IQGAP2: variants seen among roughly 807,000 people sequenced by gnomAD.
The protein encoded by IQGAP2 is ras GTPase-activating-like protein IQGAP2.
Under a neutral mutation model 201.3 loss-of-function variants are expected in IQGAP2, and 173 were observed. The ratio of observed to expected loss-of-function variants is 0.86; its 90% CI spans 0.76 to 0.98. The LOEUF is 0.98. Among genes scored for constraint, IQGAP2 ranks in the 50% least tolerant of loss-of-function variants. The pLI is 0.00. For synonymous variants in IQGAP2, 675 were observed against 673.9 expected (o/e 1.00, Z -0.03); for missense variants, 1,687 against 1,864.8 (o/e 0.90, Z 1.76).
At chr5:76,543,322 C>A (rs897992394) in intron 2 of IQGAP2, among the ~76,000 whole-genome samples, 2 of 152,196 alleles carry the variant, frequency 1.3e-5, no homozygotes, top group African/African-American at 4.8e-5. Context: ...TGGTTTTCAG[C>A]CCGTCTCTCT....
At chr5:76,429,639 T>C (rs1389825559) in intron 1 of IQGAP2, among the ~76,000 whole-genome samples, 2 of 145,670 alleles carry the variant, frequency 1.4e-5, no homozygotes, top group Non-Finnish European at 3.0e-5. Flanking sequence ...TATATATACA[T>C]ATATGTATAT....
At chr5:76,497,760 C>A (rs1488804641) in intron 2 of IQGAP2, among the ~76,000 whole-genome samples, 1 of 152,140 alleles carries the variant, frequency 6.6e-6, no homozygotes, top group Admixed American at 6.5e-5. Context: ...GATTACGATA[C>A]CACAATGCAA....
chr5:76,626,901 G>A (rs377444957), intron 13 of IQGAP2, among the ~76,000 whole-genome samples: 5 of 152,280 alleles, frequency 3.3e-5, no homozygotes, highest in African/African-American at 7.2e-5. Flanking sequence ...AAAGAGACTC[G>A]TGTGAAGGTC....
intron 31 of IQGAP2, among the ~76,000 whole-genome samples, chr5:76,694,273 T>C (rs1282068984): frequency 6.6e-6 from 1 of 152,128 alleles, no homozygotes; most frequent in Non-Finnish European, 1.5e-5. Flanking sequence ...ATCTCTAATT[T>C]TTAAAAATTT....
At chr5:76,461,046 T>G (rs1449109774) in intron 1 of IQGAP2, among the ~76,000 whole-genome samples, 1 of 151,542 alleles carries the variant, frequency 6.6e-6, no homozygotes, top group Non-Finnish European at 1.5e-5. Flanking sequence ...ACCTGGCTAA[T>G]TTTTTGTATT....
intron 27 of IQGAP2, among the ~76,000 whole-genome samples, chr5:76,676,714 C>T (rs1008231997): frequency 1.3e-5 from 2 of 152,082 alleles, no homozygotes; most frequent in Admixed American, 6.5e-5. Context: ...TTTGCAGCAA[C>T]GAAGAAGAGT....
intron 2 of IQGAP2, among the ~76,000 whole-genome samples, chr5:76,550,075 C>T (rs1435853431): frequency 1.3e-5 from 2 of 152,208 alleles, no homozygotes; most frequent in Admixed American, 6.5e-5. Flanking sequence ...GTGAGAGAGA[C>T]TCAAGTATAT....
At chr5:76,702,421 T>G in intron 34 of IQGAP2, 61 bp from the exon 35 acceptor site, 1 of 792,330 alleles carries the variant, frequency 1.3e-6, no homozygotes, top group Non-Finnish European at 2.2e-6. Flanking sequence ...ATTAGTTTGT[T>G]TCAGCTTTAA....
At chr5:76,484,072 T>C (rs1275967204) in intron 2 of IQGAP2, among the ~76,000 whole-genome samples, 1 of 151,974 alleles carries the variant, frequency 6.6e-6, no homozygotes, top group Non-Finnish European at 1.5e-5. Context: ...CATTTTTTTT[T>C]TTCCTGTCCA....
rs1395920295 is a variant in IQGAP2, at chr5:76,683,137, C to T, written c.3683C>T (p.Ala1228Val). 1.2e-6 allele frequency: 2 copies of T among 1,610,444 alleles called. No individual in the cohort carries two copies. The highest frequency in any genetic ancestry group is 2.7e-5 in the African/African-American group (2 of 74,696). ...AAGCTCCTGTTGGAACACCAGGATG[C>T]AATTGCCCCTGAGAAAAATGACTTA... ...THSLLLEHQD[A>V]IAPEKNDLLS... The change falls in exon 29 of 36, where the codon GCA becomes GTA. Residue 1228 changes from alanine (A) to valine (V), a missense_variant. Ala to Val is a moderately conservative substitution (Grantham distance 64, BLOSUM62 0). Coordinates refer to ENST00000274364, the MANE Select transcript of IQGAP2 (RefSeq NM_006633.5).
At chr5:76,580,867 G>A (rs1380499947) in intron 5 of IQGAP2, among the ~76,000 whole-genome samples, 1 of 152,160 alleles carries the variant, frequency 6.6e-6, no homozygotes, top group Non-Finnish European at 1.5e-5. Flanking sequence ...AAAGTCATGT[G>A]TTTATATTAA....
chr5:76,624,066 G>A (rs1396513935), intron 13 of IQGAP2, among the ~76,000 whole-genome samples: 1 of 150,232 alleles, frequency 6.7e-6, no homozygotes, highest in Non-Finnish European at 1.5e-5. Flanking sequence ...TCATGAAAAT[G>A]AGGACTCCCT....
At chr5:76,533,464 T>C (rs1303309079) in intron 2 of IQGAP2, among the ~76,000 whole-genome samples, 2 of 152,042 alleles carry the variant, frequency 1.3e-5, no homozygotes, top group Non-Finnish European at 2.9e-5. Context: ...GTTCTTTATA[T>C]ATTTATTGAG....
chr5:76,673,644 C>A (rs1390674733), intron 25 of IQGAP2, 55 bp downstream of exon 25: 2 of 1,575,016 alleles, frequency 1.3e-6, no homozygotes, highest in Non-Finnish European at 1.7e-6. Context: ...TCTTGGAATA[C>A]GATGTAAAAT....
intron 1 of IQGAP2, among the ~76,000 whole-genome samples, chr5:76,444,118 G>T (rs1344782408): frequency 5.3e-5 from 8 of 152,134 alleles, no homozygotes; most frequent in Non-Finnish European, 1.5e-5. Flanking sequence ...GGGTGCGATG[G>T]CTTATACCTG....
At chr5:76,682,969 T>C (rs1745432465) in intron 28 of IQGAP2, 146 bp from the exon 29 acceptor site, 2 of 487,172 alleles carry the variant, frequency 4.1e-6, no homozygotes, top group East Asian at 6.9e-5. Flanking sequence ...ATAAAAACTG[T>C]ATCTATGTCT....
chr5:76,707,848 A>G lies in IQGAP2; in HGVS notation c.*535A>G, dbSNP rs1458885018. On this transcript the variant is annotated 3_prime_UTR_variant, in exon 36 of 36. Coordinates refer to ENST00000274364, the MANE Select transcript of IQGAP2 (RefSeq NM_006633.5). ...ATAAGTAATTGAAAATGACAACACA[A>G]TAACACTTTCTGTATAAAAGTATAT... 6.5e-6 allele frequency: 1 copy of G among 152,838 alleles called. No individual in the cohort carries two copies. Among genetic ancestry groups the G allele is most frequent in the East Asian group, 1.9e-4 (1 of 5,204 alleles). 9.5% of individuals were successfully genotyped at this position (152,838 alleles called of 1,614,324 possible). A position where few individuals can be genotyped will look rare whatever the true frequency, so the allele number is the denominator to read the frequency against.
At chr5:76,592,687 C>G (rs1746745844) in intron 8 of IQGAP2, 151 bp from the exon 9 acceptor site, 1 of 630,310 alleles carries the variant, frequency 1.6e-6, no homozygotes, top group Admixed American at 2.7e-5. Context: ...CCCCTAGTCC[C>G]CTGCACAGAG....
In IQGAP2 at chr5:76,656,225, GTT is replaced by G. The variant is rs34793452; in HGVS notation, c.2320+1233_2320+1234del. Among the ~76,000 whole-genome samples, 1,418 of 150,314 alleles carry G rather than the reference GTT, an allele frequency of 9.4e-3. 22 individuals carry two copies. The highest frequency in any genetic ancestry group is 0.032 in the African/African-American group (1,323 of 41,026). ...TTTTTTTGTTTGTTTTTTGTTTTTT[GTT>G]TTTTTTTTTTCTTGAGACGGAGTCT... On this transcript the variant is annotated intron_variant, in intron 20 of 35. Coordinates refer to ENST00000274364, the MANE Select transcript of IQGAP2 (RefSeq NM_006633.5).
Sources: allele counts gnomAD v4.1 joint callset (sites outside exome capture counted in the v4.1 genomes callset), GRCh38; gene constraint gnomAD v4.1.1; transcripts MANE v1.5; gene names NCBI Gene and HGNC (gene_info 2026-07-23, HGNC 2026-07-21).